CPNE8: variants seen among roughly 807,000 people sequenced by gnomAD.
The protein encoded by CPNE8 is copine 8.
CPNE8 carries 45 observed loss-of-function variants against 81.5 expected under a neutral mutation model. That is an observed-to-expected ratio of 0.55 (90% CI 0.44 to 0.71). The LOEUF is 0.71. CPNE8 is among the 30% of genes least tolerant of loss of function. CPNE8 has a pLI of 0.00. For synonymous variants in CPNE8, 252 were observed against 226.3 expected, an observed-to-expected ratio of 1.11 and a Z score of -1.02; for missense variants, 594 against 672.1, an observed-to-expected ratio of 0.88 and a Z score of 1.28.
At chr12:38,871,508 T>A (rs915271748) in intron 3 of CPNE8, among the ~76,000 whole-genome samples, 1 of 152,060 alleles carries the variant, frequency 6.6e-6, no homozygotes, top group Non-Finnish European at 1.5e-5. Flanking sequence ...AGGAAGATAA[T>A]CAAAGGGATG....
intron 6 of CPNE8, among the ~76,000 whole-genome samples, chr12:38,805,874 G>T (rs1204255865): frequency 6.7e-6 from 1 of 149,136 alleles, no homozygotes; most frequent in Non-Finnish European, 1.5e-5. Context: ...TAATAAAGAA[G>T]AAGAGAGAAG....
intron 13 of CPNE8, among the ~76,000 whole-genome samples, chr12:38,712,717 A>T (rs1227904842): frequency 2.0e-5 from 3 of 152,222 alleles, no homozygotes; most frequent in African/African-American, 4.8e-5. Context: ...CTCTTTAAAA[A>T]TTTTTTTCAA....
chr12:38,818,532 T>C (rs1388747669), intron 6 of CPNE8, among the ~76,000 whole-genome samples: 2 of 152,234 alleles, frequency 1.3e-5, no homozygotes, highest in African/African-American at 2.4e-5. Flanking sequence ...CAGTCTATCA[T>C]TGATGGGCAT....
rs183240260 is a variant in CPNE8, at chr12:38,780,447, G to A, written c.408-4146C>T. Among the ~76,000 whole-genome samples, 29 of 152,194 alleles carry A rather than the reference G, an allele frequency of 1.9e-4. No homozygotes were observed. In the East Asian group the frequency reaches 5.2e-3, roughly 27 times the overall value. On this transcript the variant is annotated intron_variant, in intron 6 of 19. Transcript: ENST00000331366. ...CAATGTTTGAAGAGATAATGGCTGG[G>A]AAACTTCTAGAAATGGTGAACCACC... is the stretch of plus-strand genomic sequence containing the variant.
chr12:38,750,905 T>G (rs891420168), intron 10 of CPNE8, among the ~76,000 whole-genome samples: 1 of 152,152 alleles, frequency 6.6e-6, no homozygotes, highest in Non-Finnish European at 1.5e-5. Flanking sequence ...ATGGTTTGGC[T>G]GTGTCCCCAC....
rs1193433286 is a variant in CPNE8 at position 38,692,860 on chromosome 12, C to CAA, written c.1143+795_1143+796dup. Among the ~76,000 whole-genome samples, 3 of 152,110 alleles carry CAA rather than the reference C, an allele frequency of 2.0e-5. No individual in the cohort carries two copies. The East Asian group carries it at 5.8e-4, about 29-fold the overall frequency. ...GGATGGTCTTAGTAACTTGCCTGACCAATAGGATGTTGCAGAAATAACATT... is the reference window on the plus strand; with the variant it reads ...GGATGGTCTTAGTAACTTGCCTGACCAAAATAGGATGTTGCAGAAATAACATT... On this transcript the variant is annotated intron_variant, in intron 15 of 19. Coordinates refer to ENST00000331366, the MANE Select transcript of CPNE8 (RefSeq NM_153634.3).
intron 6 of CPNE8, among the ~76,000 whole-genome samples, chr12:38,777,569 A>G (rs1941962161): frequency 6.6e-6 from 1 of 152,022 alleles, no homozygotes; most frequent in African/African-American, 2.4e-5. Context: ...ACTCACTTAG[A>G]CTCACCCAGA....
chr12:38,791,422 T>A (rs1474782085), intron 6 of CPNE8, among the ~76,000 whole-genome samples: 3 of 151,560 alleles, frequency 2.0e-5, no homozygotes, highest in Non-Finnish European at 4.4e-5. Flanking sequence ...TACAGATTAA[T>A]GGCTAAGGTA....
At chr12:38,755,873 T>C (rs1174407125) in intron 10 of CPNE8, among the ~76,000 whole-genome samples, 3 of 151,440 alleles carry the variant, frequency 2.0e-5, no homozygotes, top group Admixed American at 6.6e-5. Context: ...ACCCCGTCTC[T>C]ACTAAAAATA....
chr12:38,850,495 G>A (rs902833213), intron 3 of CPNE8, among the ~76,000 whole-genome samples: 3 of 152,114 alleles, frequency 2.0e-5, no homozygotes, highest in African/African-American at 7.2e-5. Context: ...GCTATCTCTA[G>A]TAAAGATTAA....
At chr12:38,775,270 G>A (rs1321903264) in intron 7 of CPNE8, among the ~76,000 whole-genome samples, 1 of 152,132 alleles carries the variant, frequency 6.6e-6, no homozygotes, top group Non-Finnish European at 1.5e-5. Flanking sequence ...ACAGGCATGA[G>A]CCACCATGTC....
intron 13 of CPNE8, among the ~76,000 whole-genome samples, chr12:38,710,268 C>CAAAAAAAAAAAAAAACAAAAAAAAAAAA (rs1940218036): frequency 2.0e-5 from 1 of 50,266 alleles, no homozygotes; most frequent in Non-Finnish European, 3.8e-5. Flanking sequence ...AATAAGCTAA[C>CAAAAAAAAAAAAAAACAAAAAAAAAAAA]AAAAAAAAAA....
chr12:38,708,577 A>T (rs1256394757), intron 13 of CPNE8, among the ~76,000 whole-genome samples: 2 of 152,176 alleles, frequency 1.3e-5, no homozygotes, highest in African/African-American at 4.8e-5. Context: ...ATGCCTGCCA[A>T]ATTGCATGAG....
chr12:38,746,404 CTG>C (rs1396077619), intron 10 of CPNE8, among the ~76,000 whole-genome samples: 1 of 152,118 alleles, frequency 6.6e-6, no homozygotes, highest in African/African-American at 2.4e-5. Context: ...TATAAATAAA[CTG>C]TATTTTTCCA....
chr12:38,879,269 A>C (rs1592151913), intron 1 of CPNE8, among the ~76,000 whole-genome samples: 1 of 151,946 alleles, frequency 6.6e-6, no homozygotes, highest in East Asian at 1.9e-4. Flanking sequence ...ATTGCCAGAT[A>C]GGAAGCAGCC....
Position 38,658,164 on chromosome 12 carries a change from C to T in CPNE8, c.1507-4094G>A, listed in dbSNP as rs183747773. On this transcript the variant is annotated intron_variant, in intron 19 of 19. Transcript: ENST00000331366. ...CTAAAAACCTTGAAAAAAGGTTAGA[C>T]GAATGACTAACTAGAATAAACAGCG... Among the ~76,000 whole-genome samples the T allele has an allele frequency of 1.3e-4, 20 of 152,062 alleles. No homozygotes were observed. The East Asian group carries it at 2.3e-3, about 18-fold the overall frequency.
chr12:38,693,249 C>T (rs1684397), intron 15 of CPNE8, among the ~76,000 whole-genome samples: 16,026 of 152,080 alleles, frequency 0.11, 1,039 homozygotes, highest in East Asian at 0.25. Flanking sequence ...TTCCAGGCAT[C>T]TCTAGCCATT....
At chr12:38,724,468 C>T (rs867730236) in intron 12 of CPNE8, among the ~76,000 whole-genome samples, 7 of 152,126 alleles carry the variant, frequency 4.6e-5, no homozygotes, top group Admixed American at 3.9e-4. Flanking sequence ...TCCCACGAAA[C>T]GAGTCTTACT....
intron 15 of CPNE8, 192 bp from the exon 16 acceptor site, chr12:38,685,809 G>C: frequency 2.2e-6 from 1 of 450,024 alleles, no homozygotes; most frequent in Non-Finnish European, 3.9e-6. Flanking sequence ...GATATATTAT[G>C]TAGATAATAA....
Sources: allele counts gnomAD v4.1 joint callset (sites outside exome capture counted in the v4.1 genomes callset), GRCh38; gene constraint gnomAD v4.1.1; transcripts MANE v1.5; gene names NCBI Gene and HGNC (gene_info 2026-07-23, HGNC 2026-07-21).